WDFY4: variants seen among roughly 807,000 people sequenced by gnomAD.
WDFY4 encodes WD repeat- and FYVE domain-containing protein 4.
Under a neutral mutation model 351.9 loss-of-function variants are expected in WDFY4, and 169 were observed. That is an observed-to-expected ratio of 0.48 (90% CI 0.42 to 0.55). The LOEUF (loss-of-function observed/expected upper bound fraction) is 0.55, where lower values mean the gene tolerates loss of function less well. Among genes scored for constraint, WDFY4 ranks in the 20% least tolerant of loss-of-function variants. The pLI is 0.00. For synonymous variants in WDFY4, 1,622 were observed against 1,574.6 expected (o/e 1.03, Z -0.71); for missense variants, 3,803 against 3,935.6 (o/e 0.97, Z 0.90).
At chr10:48,907,535 A>G (rs932608788) in intron 47 of WDFY4, among the ~76,000 whole-genome samples, 1 of 152,182 alleles carries the variant, frequency 6.6e-6, no homozygotes, top group Non-Finnish European at 1.5e-5. Context: ...TCCTTTAGAG[A>G]TTATCTTTGA....
chr10:48,901,996 T>G, intron 47 of WDFY4, 133 bp downstream of exon 47: 1 of 796,622 alleles, frequency 1.3e-6, no homozygotes, highest in Non-Finnish European at 2.1e-6. Context: ...CTCTCTCCTA[T>G]TCCTATACAT....
At chr10:48,717,575 T>C (rs2132254441) in intron 2 of WDFY4, among the ~76,000 whole-genome samples, 1 of 152,338 alleles carries the variant, frequency 6.6e-6, no homozygotes, top group South Asian at 2.1e-4. Flanking sequence ...CCTCATTCCC[T>C]GGGTGGATGT....
chr10:48,809,236 AATCACCATCACCACCACCACCATC>A (rs2067361363), intron 28 of WDFY4, among the ~76,000 whole-genome samples: 1 of 108,670 alleles, frequency 9.2e-6, no homozygotes, highest in Non-Finnish European at 1.9e-5. Flanking sequence ...CCACCACATT[AATCACCATCACCACCACCACCATC>A]ATCACCATCA....
intron 13 of WDFY4, among the ~76,000 whole-genome samples, chr10:48,767,254 T>A (rs2132559910): frequency 6.6e-6 from 1 of 152,332 alleles, no homozygotes; most frequent in Non-Finnish European, 1.5e-5. Context: ...TTGAGAAAAG[T>A]AGAAGAGAGC....
intron 54 of WDFY4, among the ~76,000 whole-genome samples, chr10:48,965,655 G>A (rs1257153745): frequency 1.3e-5 from 2 of 151,934 alleles, no homozygotes; most frequent in African/African-American, 2.4e-5. Context: ...TCCCTCCAGC[G>A]TACGCCTGGT....
intron 2 of WDFY4, 39 bp from the exon 3 acceptor site, chr10:48,719,972 G>A (rs1186903443): frequency 1.3e-6 from 2 of 1,531,960 alleles, no homozygotes; most frequent in Non-Finnish European, 1.8e-6. Context: ...CCTGCTTGTG[G>A]CATTGCTATC....
intron 12 of WDFY4, among the ~76,000 whole-genome samples, chr10:48,750,163 T>G (rs970853313): frequency 1.3e-5 from 2 of 152,222 alleles, no homozygotes; most frequent in African/African-American, 4.8e-5. Context: ...ATCTGTCACT[T>G]AAGTTTGTTA....
chr10:48,971,849 G>A (rs1842352270), intron 57 of WDFY4, among the ~76,000 whole-genome samples: 1 of 152,180 alleles, frequency 6.6e-6, no homozygotes, highest in Non-Finnish European at 1.5e-5. Flanking sequence ...GGCTGGGTAT[G>A]ATTCCTGATC....
intron 32 of WDFY4, among the ~76,000 whole-genome samples, chr10:48,817,855 C>G (rs997562381): frequency 1.3e-5 from 2 of 152,198 alleles, no homozygotes; most frequent in Admixed American, 1.3e-4. Flanking sequence ...CCCTTCTAGG[C>G]AGTGGGTTTG....
intron 47 of WDFY4, 37 bp downstream of exon 47, chr10:48,901,900 T>C (rs1837373230): frequency 6.5e-7 from 1 of 1,537,692 alleles, no homozygotes; most frequent in African/African-American, 1.4e-5. Context: ...GGCATGGCAC[T>C]GCCCTGGCTT....
At chr10:48,703,442 T>C (rs1461149292) in intron 1 of WDFY4, among the ~76,000 whole-genome samples, 1 of 152,184 alleles carries the variant, frequency 6.6e-6, no homozygotes, top group African/African-American at 2.4e-5. Context: ...GAGTTTATAA[T>C]CTGGAAATGA....
Position 48,821,057 on chromosome 10 carries a change from T to G in WDFY4, c.5710-5T>G, listed in dbSNP as rs1439935253. ...TGCTGTCTCAGTCCCGGGCTGTGCT[T>G]CCAGGCTTCTCCAGACCACGCCACC... On this transcript the variant is annotated splice_polypyrimidine_tract_variant and splice_region_variant and intron_variant, in intron 33 of 61. Coordinates refer to ENST00000325239, the MANE Select transcript of WDFY4 (RefSeq NM_001394531.1). The G allele has an allele frequency of 6.4e-7, 1 of 1,550,792 alleles. No homozygotes were observed. Among genetic ancestry groups the G allele is most frequent in the Non-Finnish European group, 8.7e-7 (1 of 1,146,206 alleles).
intron 24 of WDFY4, among the ~76,000 whole-genome samples, chr10:48,800,068 T>C (rs146890552): frequency 0.018 from 2,747 of 152,218 alleles, 26 homozygotes; most frequent in Middle Eastern, 0.048. Context: ...GTATTTGTAG[T>C]AGAGACGGGG....
At chr10:48,753,168 G>T (rs566451309) in intron 12 of WDFY4, among the ~76,000 whole-genome samples, 21 of 152,036 alleles carry the variant, frequency 1.4e-4, no homozygotes, top group African/African-American at 4.8e-4. Context: ...ATATCTTTTT[G>T]GGGGAAACGT....
At chr10:48,885,773 G>A (rs1167726109) in intron 43 of WDFY4, among the ~76,000 whole-genome samples, 1 of 151,660 alleles carries the variant, frequency 6.6e-6, no homozygotes, top group Non-Finnish European at 1.5e-5. Flanking sequence ...TAGATAAATA[G>A]ATAGATAGCA....
Position 48,790,791 on chromosome 10 carries a change from C to T in WDFY4, c.4131C>T (p.Ile1377=). 6.4e-7 allele frequency: 1 copy of T among 1,551,788 alleles called. No individual in the cohort carries two copies. The highest frequency in any genetic ancestry group is 8.7e-7 in the Non-Finnish European group (1 of 1,147,014). The stretch of plus-strand genomic sequence containing the variant: ...TGGACTTCATTGGCGGGCCTGCCAT[C>T]CTCCTGGGCCTCATCTCCTTAGCGA... ...SSLDFIGGPA[I]LLGLISLATD... The change falls in exon 23 of 62, where the codon ATC becomes ATT. Residue 1377 remains isoleucine (I), a synonymous_variant. Coordinates refer to ENST00000325239, the MANE Select transcript of WDFY4 (RefSeq NM_001394531.1).
At chr10:48,890,170 T>C (rs1450342732) in intron 43 of WDFY4, among the ~76,000 whole-genome samples, 1 of 152,236 alleles carries the variant, frequency 6.6e-6, no homozygotes, top group Non-Finnish European at 1.5e-5. Context: ...AACCATGTAC[T>C]GGCTGGTCCC....
At chr10:48,787,969 C>CT (rs2066536398) in intron 20 of WDFY4, among the ~76,000 whole-genome samples, 1 of 129,466 alleles carries the variant, frequency 7.7e-6, no homozygotes, top group Non-Finnish European at 1.6e-5. Flanking sequence ...TCTTCTTCTT[C>CT]TTCTTCTTCT....
At chr10:48,955,810 C>T (rs925681895) in intron 51 of WDFY4, among the ~76,000 whole-genome samples, 1 of 152,192 alleles carries the variant, frequency 6.6e-6, no homozygotes, top group African/African-American at 2.4e-5. Flanking sequence ...CAGAGGGAGA[C>T]CCTCAGCCCT....
Sources: allele counts gnomAD v4.1 joint callset (sites outside exome capture counted in the v4.1 genomes callset), GRCh38; gene constraint gnomAD v4.1.1; transcripts MANE v1.5; gene names NCBI Gene and HGNC (gene_info 2026-07-23, HGNC 2026-07-21).